SMYD3: variants seen among roughly 807,000 people sequenced by gnomAD.
SMYD3 encodes the protein histone-lysine N-methyltransferase SMYD3.
In SMYD3, 36 loss-of-function variants were observed where a neutral mutation model predicts 57.7. The ratio of observed to expected loss-of-function variants is 0.62; its 90% CI spans 0.48 to 0.82. SMYD3 has a LOEUF of 0.82. Among genes scored for constraint, SMYD3 ranks in the 40% least tolerant of loss-of-function variants. The pLI, the probability that SMYD3 is intolerant of heterozygous loss-of-function variation, is 0.00. For synonymous variants in SMYD3, 211 were observed against 195.0 expected (o/e 1.08, Z -0.68); for missense variants, 515 against 538.8 (o/e 0.96, Z 0.44).
intron 8 of SMYD3, among the ~76,000 whole-genome samples, chr1:245,909,383 G>T (rs2054806740): frequency 6.6e-6 from 1 of 152,078 alleles, no homozygotes; most frequent in Non-Finnish European, 1.5e-5. Flanking sequence ...ATTTAAAAAA[G>T]AATGAATACC....
intron 9 of SMYD3, among the ~76,000 whole-genome samples, chr1:245,861,407 A>C (rs1237854525): frequency 2.6e-5 from 4 of 152,210 alleles, no homozygotes; most frequent in African/African-American, 7.2e-5. Context: ...AGAGAAAGGG[A>C]AGCAAAGTAA....
chr1:246,246,341 C>G (rs898174979), intron 5 of SMYD3, among the ~76,000 whole-genome samples: 1 of 152,084 alleles, frequency 6.6e-6, no homozygotes, highest in Non-Finnish European at 1.5e-5. Context: ...GGACATTGCT[C>G]TAGTTGTTCA....
intron 1 of SMYD3, among the ~76,000 whole-genome samples, chr1:246,442,181 G>A (rs2067480773): frequency 6.6e-6 from 1 of 152,184 alleles, no homozygotes; most frequent in Admixed American, 6.5e-5. Context: ...TTTCTTCAGG[G>A]AAGGAAGGAA....
chr1:245,775,730 A>T (rs201094773), intron 10 of SMYD3, among the ~76,000 whole-genome samples: 1 of 135,532 alleles, frequency 7.4e-6, no homozygotes, highest in Non-Finnish European at 1.5e-5. Flanking sequence ...AAAAAAAAAA[A>T]TAAAAAAAAT....
At chr1:245,867,666 G>GCA (rs66978528) in intron 8 of SMYD3, among the ~76,000 whole-genome samples, 17,911 of 139,740 alleles carry the variant, frequency 0.13, 1,510 homozygotes, top group East Asian at 0.47. Context: ...GTGCGTGCGC[G>GCA]CGCACACACA....
chr1:246,464,572 G>A (rs968262451), intron 1 of SMYD3, among the ~76,000 whole-genome samples: 3 of 152,142 alleles, frequency 2.0e-5, no homozygotes, highest in Admixed American at 1.3e-4. Flanking sequence ...TTTCCAAGAA[G>A]GCCAAAATAC....
chr1:246,505,641 A>T (rs186725319), intron 1 of SMYD3, among the ~76,000 whole-genome samples: 65 of 147,488 alleles, frequency 4.4e-4, no homozygotes, highest in Middle Eastern at 3.5e-3. Flanking sequence ...AAACTCTTTC[A>T]TTAAATTCCT....
At chr1:246,070,616 G>A (rs900602666) in intron 5 of SMYD3, among the ~76,000 whole-genome samples, 2 of 152,078 alleles carry the variant, frequency 1.3e-5, no homozygotes, top group African/African-American at 2.4e-5. Context: ...GTGAAGCACC[G>A]ACCTGAGGAT....
At chr1:246,222,066 T>C (rs140926196) in intron 5 of SMYD3, among the ~76,000 whole-genome samples, 40 of 152,274 alleles carry the variant, frequency 2.6e-4, no homozygotes, top group African/African-American at 9.4e-4. Context: ...AGTATGACTA[T>C]TTGCCAACAA....
At chr1:246,328,936 C>T (rs924140546) in intron 4 of SMYD3, among the ~76,000 whole-genome samples, 2 of 151,206 alleles carry the variant, frequency 1.3e-5, no homozygotes, top group Admixed American at 6.6e-5. Flanking sequence ...TGAGAATATG[C>T]GGTGTTTGGT....
intron 1 of SMYD3, among the ~76,000 whole-genome samples, chr1:246,444,578 G>T (rs1440773237): frequency 6.6e-6 from 1 of 152,198 alleles, no homozygotes; most frequent in Non-Finnish European, 1.5e-5. Context: ...GAATGGAGAG[G>T]TAGGAAGGAA....
At position 246,218,014 on chromosome 1, in the gene SMYD3, C is replaced by A. The variant is rs563870249; in HGVS notation, c.531+109187G>T. On this transcript the variant is annotated intron_variant, in intron 5 of 11. Coordinates refer to ENST00000490107, the MANE Select transcript of SMYD3 (RefSeq NM_001167740.2). ...CAATGATATGTGTAACAGTTAAAAA[C>A]AGAAAATAAATAAACTATGGTACAT... is the stretch of plus-strand genomic sequence containing the variant. Among the ~76,000 whole-genome samples, 5 of 150,582 alleles carry A rather than the reference C, an allele frequency of 3.3e-5. No individual in the cohort carries two copies. The East Asian group carries it at 1.0e-3, about 30-fold the overall frequency.
intron 5 of SMYD3, among the ~76,000 whole-genome samples, chr1:245,996,409 C>T (rs561529256): frequency 7.9e-5 from 12 of 152,260 alleles, no homozygotes; most frequent in Non-Finnish European, 1.5e-4. Flanking sequence ...TTTCTCCATG[C>T]AATGCTAATG....
At chr1:245,997,329 T>C (rs1468731573) in intron 5 of SMYD3, among the ~76,000 whole-genome samples, 2 of 152,226 alleles carry the variant, frequency 1.3e-5, no homozygotes, top group African/African-American at 4.8e-5. Context: ...CATTGTGAAA[T>C]CAGAAGTACG....
At chr1:246,213,047 T>A (rs1468996159) in intron 5 of SMYD3, among the ~76,000 whole-genome samples, 2 of 152,170 alleles carry the variant, frequency 1.3e-5, no homozygotes, top group African/African-American at 4.8e-5. Flanking sequence ...TGTCTACAAC[T>A]GCTAACCCTC....
chr1:246,428,824 CG>C (rs11351590), intron 1 of SMYD3, among the ~76,000 whole-genome samples: 66,084 of 150,620 alleles, frequency 0.44, 15,319 homozygotes, highest in Admixed American at 0.54. Context: ...TCTTAACCGC[CG>C]ATGCTCTGCT....
At chr1:246,481,625 T>TATATATATATATATATATAC (rs1459254899) in intron 1 of SMYD3, among the ~76,000 whole-genome samples, 1 of 90,426 alleles carries the variant, frequency 1.1e-5, no homozygotes, top group African/African-American at 5.6e-5. Context: ...CATATATACA[T>TATATATATATATATATATAC]ACATACATAC....
intron 1 of SMYD3, among the ~76,000 whole-genome samples, chr1:246,361,145 A>G (rs2065979877): frequency 1.3e-5 from 2 of 152,360 alleles, no homozygotes; most frequent in Admixed American, 1.3e-4. Flanking sequence ...AGACATGGAC[A>G]GACAATTCTC....
At chr1:246,128,460 T>C (rs978885590) in intron 5 of SMYD3, among the ~76,000 whole-genome samples, 31 of 152,204 alleles carry the variant, frequency 2.0e-4, no homozygotes. Flanking sequence ...CACATACCAT[T>C]TACTGAGTGC....
Sources: allele counts gnomAD v4.1 joint callset (sites outside exome capture counted in the v4.1 genomes callset), GRCh38; gene constraint gnomAD v4.1.1; transcripts MANE v1.5; gene names NCBI Gene and HGNC (gene_info 2026-07-23, HGNC 2026-07-21).